The following JADE3 variants were observed in gnomAD, a reference collection of about 807,000 sequenced individuals.
The protein encoded by JADE3 is jade family PHD finger 3.
Under a neutral mutation model 50.1 loss-of-function variants are expected in JADE3, and 2 were observed. The observed-to-expected ratio is 0.04, with a 90% confidence interval of 0.02 to 0.13. The LOEUF is 0.13. Ranked by LOEUF, JADE3 falls within the 10% of genes least tolerant of loss-of-function variation. The pLI is 1.00. For synonymous variants in JADE3, 218 were observed against 232.9 expected, an observed-to-expected ratio of 0.94 and a Z score of 0.58; for missense variants, 475 against 634.4, an observed-to-expected ratio of 0.75 and a Z score of 2.70.
At chrX:46,980,716 A>G (rs2147129299) in intron 1 of JADE3, among the ~76,000 whole-genome samples, 1 of 111,401 alleles carries the variant, frequency 9.0e-6, no homozygotes, top group East Asian at 2.8e-4. Context: ...CTTTTTGTAA[A>G]TATTTTATAA....
At chrX:47,018,334 ACTTT>A (rs1489504290) in intron 4 of JADE3, among the ~76,000 whole-genome samples, 2 of 107,536 alleles carry the variant, frequency 1.9e-5, no homozygotes, top group Non-Finnish European at 3.8e-5. Context: ...TGTACAGAGC[ACTTT>A]CTTTTTTTTT....
chrX:47,027,151 A>G (rs1305404543), intron 5 of JADE3, among the ~76,000 whole-genome samples: 1 of 112,254 alleles, frequency 8.9e-6, no homozygotes, highest in Non-Finnish European at 1.9e-5. Flanking sequence ...GAATAAATAC[A>G]TAAGTGCTGT....
intron 1 of JADE3, among the ~76,000 whole-genome samples, chrX:46,974,130 G>T (rs1263737361): frequency 9.1e-6 from 1 of 110,139 alleles, no homozygotes; most frequent in Non-Finnish European, 1.9e-5. Flanking sequence ...TGGGCCGGGT[G>T]CAGTAGCTCA....
intron 1 of JADE3, chrX:46,912,949 C>G (rs1266881309): frequency 8.9e-6 from 1 of 112,212 alleles, no homozygotes; most frequent in Non-Finnish European, 1.9e-5. Context: ...TGCCTGGTGG[C>G]CCCTCTGCCC....
At chrX:46,932,937 A>G (rs1314626001) in intron 1 of JADE3, among the ~76,000 whole-genome samples, 1 of 111,935 alleles carries the variant, frequency 8.9e-6, no homozygotes, top group Non-Finnish European at 1.9e-5. Context: ...TTGTTAAACA[A>G]TATTTCTATA....
At chrX:46,939,553 A>G (rs1308143477) in intron 1 of JADE3, among the ~76,000 whole-genome samples, 1 of 111,900 alleles carries the variant, frequency 8.9e-6, no homozygotes, top group Non-Finnish European at 1.9e-5. Flanking sequence ...AGAAAAAATA[A>G]GTGAGTTTTG....
At chrX:47,013,211 G>A (rs979347300) in intron 4 of JADE3, among the ~76,000 whole-genome samples, 5 of 110,787 alleles carry the variant, frequency 4.5e-5, no homozygotes, top group East Asian at 2.8e-4. Context: ...ATGGGATCTC[G>A]CTATGTTGCC....
intron 4 of JADE3, among the ~76,000 whole-genome samples, chrX:46,999,871 G>A (rs1928240247): frequency 9.0e-6 from 1 of 111,550 alleles, no homozygotes; most frequent in Non-Finnish European, 1.9e-5. Flanking sequence ...GTGAATGAAT[G>A]AATGGGTAGA....
chrX:46,965,983 C>T (rs1401940908), intron 1 of JADE3, among the ~76,000 whole-genome samples: 1 of 112,051 alleles, frequency 8.9e-6, no homozygotes, highest in Non-Finnish European at 1.9e-5. Flanking sequence ...ACTTTTAAAG[C>T]CAGTTAGGAA....
intron 1 of JADE3, among the ~76,000 whole-genome samples, chrX:46,925,995 A>G (rs975176251): frequency 9.3e-6 from 1 of 107,047 alleles, no homozygotes. Flanking sequence ...AGCTAGGACT[A>G]CAGGTGTACA....
At chrX:46,931,259 T>C (rs1177971483) in intron 1 of JADE3, among the ~76,000 whole-genome samples, 1 of 111,737 alleles carries the variant, frequency 8.9e-6, no homozygotes, top group Non-Finnish European at 1.9e-5. Flanking sequence ...CAGCGACTAC[T>C]AGACACATCA....
At chrX:47,003,875 T>C (rs1158729513) in intron 4 of JADE3, among the ~76,000 whole-genome samples, 1 of 102,210 alleles carries the variant, frequency 9.8e-6, no homozygotes, top group African/African-American at 3.5e-5. Context: ...TTTATATATT[T>C]ATATTTTTAT....
At chrX:46,916,527 G>C (rs1238611997) in intron 1 of JADE3, among the ~76,000 whole-genome samples, 1 of 110,855 alleles carries the variant, frequency 9.0e-6, no homozygotes, top group Non-Finnish European at 1.9e-5. Context: ...TCTAGGGCTA[G>C]ATATAGAAAT....
intron 8 of JADE3, 139 bp from the exon 9 acceptor site, chrX:47,054,019 A>G (rs1841939175): frequency 4.8e-6 from 2 of 418,165 alleles, no homozygotes; most frequent in East Asian, 3.8e-5. Context: ...CTTGTAAAGC[A>G]TCTGTTATGG....
intron 4 of JADE3, among the ~76,000 whole-genome samples, chrX:47,011,954 A>T (rs1928572979): frequency 8.9e-6 from 1 of 111,796 alleles, no homozygotes; most frequent in African/African-American, 3.3e-5. Flanking sequence ...GAGTCGTCTT[A>T]AGTCCCATCA....
chrX:46,947,785 C>T (rs1409317282), intron 1 of JADE3, among the ~76,000 whole-genome samples: 2 of 111,689 alleles, frequency 1.8e-5, no homozygotes, highest in Non-Finnish European at 3.8e-5. Flanking sequence ...GCCGTTTGGT[C>T]CATGTCCTGA....
chrX:46,997,807 T>G (rs1182349990), intron 3 of JADE3, among the ~76,000 whole-genome samples: 2 of 112,525 alleles, frequency 1.8e-5, no homozygotes, highest in African/African-American at 6.4e-5. Flanking sequence ...ACTTGTTACT[T>G]AATTTAAGAA....
chrX:46,971,349 C>T (rs1303631498), intron 1 of JADE3, among the ~76,000 whole-genome samples: 2 of 108,126 alleles, frequency 1.8e-5, no homozygotes, highest in African/African-American at 6.7e-5. Flanking sequence ...CTCCTGACCT[C>T]AAGTGATCCG....
chrX:47,016,572 C>T (rs1357489260), intron 4 of JADE3, among the ~76,000 whole-genome samples: 1 of 111,641 alleles, frequency 9.0e-6, no homozygotes, highest in Non-Finnish European at 1.9e-5. Context: ...AGAGCAGTTG[C>T]AGAGGGCTTC....
Sources: gnomAD v4.1 joint callset for allele counts (sites outside exome capture counted in the v4.1 genomes callset) on GRCh38, gnomAD v4.1.1 for gene constraint, MANE v1.5 for transcripts, NCBI Gene and HGNC (gene_info 2026-07-23, HGNC 2026-07-21) for gene names.